The following WDR31 variants were observed in gnomAD, a reference collection of about 807,000 sequenced individuals.
The protein encoded by WDR31 is WD repeat-containing protein 31.
WDR31 carries 30 observed loss-of-function variants against 47.3 expected under a neutral mutation model. The ratio of observed to expected loss-of-function variants is 0.63; its 90% CI spans 0.47 to 0.86. The LOEUF (loss-of-function observed/expected upper bound fraction) is 0.86. Among genes scored for constraint, WDR31 ranks in the 40% least tolerant of loss-of-function variants. The pLI is 0.00. For missense variants in WDR31, 406 were observed against 442.9 expected, an observed-to-expected ratio of 0.92 and a Z score of 0.75; for synonymous variants, 137 against 159.4, an observed-to-expected ratio of 0.86 and a Z score of 1.06.
intron 7 of WDR31, among the ~76,000 whole-genome samples, chr9:113,322,096 T>C (rs1328126533): frequency 1.3e-5 from 2 of 151,618 alleles, no homozygotes; most frequent in Non-Finnish European, 2.9e-5. Context: ...TTAGAAAAGA[T>C]GACTGGGACT....
At chr9:113,336,203 T>C (rs1183603679) in intron 2 of WDR31, 85 bp downstream of exon 2, 2 of 152,224 alleles carry the variant, frequency 1.3e-5, no homozygotes, top group Non-Finnish European at 2.9e-5. Flanking sequence ...TCAAAACTGA[T>C]TGGTATAGTC....
chr9:113,325,855 G>A (rs190004371), intron 5 of WDR31, among the ~76,000 whole-genome samples: 28 of 152,182 alleles, frequency 1.8e-4, no homozygotes, highest in South Asian at 6.2e-4. Context: ...ATTCAGTTTG[G>A]AACTTCTTTA....
chr9:113,339,753 A>G (rs936605185), intron 1 of WDR31, among the ~76,000 whole-genome samples: 5 of 151,880 alleles, frequency 3.3e-5, no homozygotes, highest in African/African-American at 1.2e-4. Context: ...TGTTTTCAAG[A>G]GACGGAGTCT....
In WDR31 at chr9:113,332,522, G is replaced by A. The variant is rs1833621163; in HGVS notation, c.-28-472C>T. 2.0e-5 allele frequency among the ~76,000 whole-genome samples: 3 copies of A among 152,300 alleles called. No homozygotes were observed. The South Asian group carries it at 6.2e-4, about 32-fold the overall frequency. On this transcript the variant is annotated intron_variant, in intron 2 of 10. Coordinates refer to ENST00000374193, the MANE Select transcript of WDR31 (RefSeq NM_001012361.4). Reference sequence around the variant, plus strand: ...CATGGGTGAATCTTGAGAACATCATGCTAAGCAAAAGAAGCCAGACATGAA... The same window carrying A: ...CATGGGTGAATCTTGAGAACATCATACTAAGCAAAAGAAGCCAGACATGAA...
rs1260365395 is a variant in WDR31 at position 113,314,745 on chromosome 9, A to C, written c.*2004T>G. ...TTCTCCCGCCTCAGGCTCCCCAGGT[A>C]GCTGGGATTACAGGCATGCACCACC... is the stretch of plus-strand genomic sequence containing the variant. On this transcript the variant is annotated 3_prime_UTR_variant, in exon 11 of 11. Transcript: ENST00000374193. 1.3e-5 allele frequency: 2 copies of C among 152,100 alleles called. No individual in the cohort carries two copies. Among genetic ancestry groups the C allele is most frequent in the African/African-American group, 4.8e-5 (2 of 41,282 alleles). The allele number at this position is 152,100 out of a possible 1,614,324, so 9.4% of individuals were successfully genotyped here. A position where few individuals can be genotyped will look rare whatever the true frequency, so the allele number is the denominator to read the frequency against.
rs1386541132 is a variant in WDR31, at chr9:113,318,550, C to T, written c.868G>A (p.Ala290Thr). The T allele has an allele frequency of 6.2e-7, 1 of 1,614,224 alleles. No homozygotes were observed. The highest frequency in any genetic ancestry group is 1.1e-5 in the South Asian group (1 of 91,090). ...TVASCVFLPR[A>T]LALMPLIATS... Reference sequence around the variant, plus strand: ...GCAATTAAAGGCATCAAGGCCAATGCTCTTGGTAGAAAGACGCAGGATGCG... The same window carrying T: ...GCAATTAAAGGCATCAAGGCCAATGTTCTTGGTAGAAAGACGCAGGATGCG... Residue 290 changes from alanine (A) to threonine (T), a missense_variant, in exon 10 of 11, where the codon GCA becomes ACA. Physicochemically the swap from Ala to Thr is moderately conservative, Grantham distance 58. Coordinates refer to ENST00000374193, the MANE Select transcript of WDR31 (RefSeq NM_001012361.4).
At chr9:113,329,913 G>A (rs1046992782) in intron 4 of WDR31, among the ~76,000 whole-genome samples, 13 of 151,914 alleles carry the variant, frequency 8.6e-5, no homozygotes, top group African/African-American at 2.7e-4. Context: ...CCCAGGAGGC[G>A]GAGGTTGTGG....
At chr9:113,317,025 G>A in intron 10 of WDR31, 116 bp from the exon 11 acceptor site, 2 of 1,215,920 alleles carry the variant, frequency 1.6e-6, no homozygotes, top group Non-Finnish European at 2.2e-6. Context: ...TAACCCGTAT[G>A]AGAGAGACCC....
intron 5 of WDR31, among the ~76,000 whole-genome samples, chr9:113,325,977 T>G (rs1368648931): frequency 1.3e-5 from 2 of 152,188 alleles, no homozygotes; most frequent in African/African-American, 4.8e-5. Flanking sequence ...AATGGTGTGA[T>G]CTCAGCTCAC....
intron 5 of WDR31, among the ~76,000 whole-genome samples, chr9:113,326,853 T>G (rs974143074): frequency 6.6e-6 from 1 of 152,192 alleles, no homozygotes; most frequent in African/African-American, 2.4e-5. Context: ...CTTTTTTTTT[T>G]GAGACTAAGA....
chr9:113,336,199 C>T (rs2118862511), intron 2 of WDR31, 89 bp downstream of exon 2: 1 of 152,334 alleles, frequency 6.6e-6, no homozygotes, highest in East Asian at 1.9e-4. Flanking sequence ...CTGCTCAAAA[C>T]TGATTGGTAT....
chr9:113,330,887 A>G lies in WDR31; in HGVS notation c.249+97T>C, dbSNP rs933919706. ...TAAAGCCAATATTTTTACACTTGTCAACCCTGCTCCAGAAATGCAAATCCT... is the reference window on the plus strand; with the variant it reads ...TAAAGCCAATATTTTTACACTTGTCGACCCTGCTCCAGAAATGCAAATCCT... On this transcript the variant is annotated intron_variant, in intron 4 of 10. Transcript: ENST00000374193. 1.2e-5 allele frequency: 16 copies of G among 1,379,760 alleles called. No homozygotes were observed. The East Asian group carries it at 3.6e-4, about 31-fold the overall frequency. 85.5% of individuals were successfully genotyped at this position (1,379,760 alleles called of 1,614,324 possible).
intron 7 of WDR31, 101 bp downstream of exon 7, chr9:113,322,710 T>C (rs1833350760): frequency 1.7e-6 from 2 of 1,191,176 alleles, no homozygotes; most frequent in African/African-American, 3.0e-5. Context: ...GGACCCAGGC[T>C]CTAATTTCTG....
chr9:113,328,377 C>T (rs150747384), intron 5 of WDR31, among the ~76,000 whole-genome samples: 2,170 of 152,254 alleles, frequency 0.014, 57 homozygotes, highest in Admixed American at 0.071. Context: ...TTCATTTAGG[C>T]GGACTTCAGA....
In WDR31 at chr9:113,316,306, A is replaced by T. The variant is rs1302083145; in HGVS notation, c.*443T>A. ...GAGCTGCACTATTCTTTCCCATCTCAATTATTTCTGATGTAACCAAAACAC... is the reference window on the plus strand; with the variant it reads ...GAGCTGCACTATTCTTTCCCATCTCTATTATTTCTGATGTAACCAAAACAC... On this transcript the variant is annotated 3_prime_UTR_variant, in exon 11 of 11. Transcript: ENST00000374193. 6.4e-6 allele frequency: 1 copy of T among 156,494 alleles called. No individual in the cohort carries two copies. The highest frequency in any genetic ancestry group is 1.4e-5 in the Non-Finnish European group (1 of 70,762). 9.7% of individuals were successfully genotyped at this position (156,494 alleles called of 1,614,324 possible).
At chr9:113,323,232 T>C (rs1833373306) in intron 5 of WDR31, 77 bp from the exon 6 acceptor site, 4 of 1,518,318 alleles carry the variant, frequency 2.6e-6, no homozygotes, top group Admixed American at 2.0e-5. Context: ...GGGGGAAAGA[T>C]GAGTCTGCAT....
At chr9:113,334,533 TTTAC>T (rs1201460408) in intron 2 of WDR31, among the ~76,000 whole-genome samples, 1 of 151,758 alleles carries the variant, frequency 6.6e-6, no homozygotes, top group Non-Finnish European at 1.5e-5. Context: ...AATTAATTAA[TTTAC>T]TTATTTATTT....
intron 10 of WDR31, 103 bp from the exon 11 acceptor site, chr9:113,317,012 A>G: frequency 7.3e-7 from 1 of 1,368,912 alleles, no homozygotes; most frequent in South Asian, 1.5e-5. Flanking sequence ...TGCTGTACAT[A>G]TCTAACCCGT....
chr9:113,339,976 C>T (rs1833795405), intron 1 of WDR31, among the ~76,000 whole-genome samples: 1 of 152,200 alleles, frequency 6.6e-6, no homozygotes, highest in Admixed American at 6.5e-5. Flanking sequence ...CTCAGGCAAT[C>T]CACCCGCCTC....
Sources: allele counts gnomAD v4.1 joint callset (sites outside exome capture counted in the v4.1 genomes callset), GRCh38; gene constraint gnomAD v4.1.1; transcripts MANE v1.5; gene names NCBI Gene and HGNC (gene_info 2026-07-23, HGNC 2026-07-21).